NBEAL2: variants seen among roughly 807,000 people sequenced by gnomAD.
NBEAL2 encodes neurobeachin-like protein 2.
NBEAL2 carries 160 observed loss-of-function variants against 299.8 expected under a neutral mutation model. The observed-to-expected ratio is 0.53, with a 90% CI of 0.47 to 0.61. The LOEUF is 0.61. Among genes scored for constraint, NBEAL2 ranks in the 20% least tolerant of loss-of-function variants. The pLI is 0.00. For synonymous variants in NBEAL2, 1,493 were observed against 1,542.3 expected (o/e 0.97, Z 0.75); for missense variants, 3,112 against 3,649.0 (o/e 0.85, Z 3.79).
At position 46,998,833 on chromosome 3, in the gene NBEAL2, C is replaced by T. The variant is rs202071400; in HGVS notation, c.3338C>T (p.Thr1113Met). The change falls in exon 23 of 54, where the codon ACG becomes ATG. Residue 1113 changes from threonine (T) to methionine (M), a missense_variant. By Grantham distance (81) the Thr-to-Met change is moderately conservative. This residue lies in a region of NBEAL2 where 2,243 missense variants were observed against 2,538.1 expected (regional missense o/e 0.88). Coordinates refer to ENST00000450053, the MANE Select transcript of NBEAL2 (RefSeq NM_015175.3). ...CTCTCAGCAGATGACGTGCAGGTCA[C>T]GCAGACCATGCTGAGCTTTTTGGCG... ...RSLSADDVQV[T>M]QTMLSFLAAT... 1.3e-3 allele frequency: 2,119 copies of T among 1,577,136 alleles called. 9 individuals carry two copies. The Middle Eastern group carries it at 0.027, about 20-fold the overall frequency.
chr3:46,997,479 G>T (rs763461711), intron 19 of NBEAL2, 46 bp downstream of exon 19: 1 of 1,594,802 alleles, frequency 6.3e-7, no homozygotes, highest in East Asian at 2.3e-5. Flanking sequence ...ATCTTGGCAT[G>T]GTAGGGGGGT....
chr3:47,002,945 G>A lies in NBEAL2; in HGVS notation c.5460-12G>A. The A allele has an allele frequency of 6.2e-7, 1 of 1,612,336 alleles. No homozygotes were observed. Among genetic ancestry groups the A allele is most frequent in the Non-Finnish European group, 8.5e-7 (1 of 1,179,494 alleles). ...CCTTCTACCGACCCATGACCTGGGG[G>A]ACATTCTGCAGGGACACTCCCATCC... is the stretch of plus-strand genomic sequence containing the variant. On this transcript the variant is annotated splice_polypyrimidine_tract_variant and intron_variant, in intron 33 of 53. Coordinates refer to ENST00000450053, the MANE Select transcript of NBEAL2 (RefSeq NM_015175.3).
At chr3:46,994,089 A>G in intron 11 of NBEAL2, 69 bp downstream of exon 11, 1 of 1,471,508 alleles carries the variant, frequency 6.8e-7, no homozygotes, top group East Asian at 2.5e-5. Flanking sequence ...TCCCCAGAAC[A>G]GGCCTGGCCG....
intron 24 of NBEAL2, 88 bp downstream of exon 24, chr3:46,999,205 C>T (rs4683276): frequency 0.029 from 43,798 of 1,531,134 alleles, 1,863 homozygotes; most frequent in Admixed American, 0.18. Flanking sequence ...CTTGGGCCAG[C>T]GGATGAAGCT....
chr3:47,009,697 T>C lies in NBEAL2; in HGVS notation c.*377T>C. 4.0e-6 allele frequency: 1 copy of C among 253,112 alleles called. No homozygotes were observed. Among genetic ancestry groups the C allele is most frequent in the Non-Finnish European group, 7.7e-6 (1 of 130,114 alleles). 15.7% of individuals were successfully genotyped at this position (253,112 alleles called of 1,614,324 possible). ...TCTCGGCAATAAACCAGGCCTAGTT[T>C]TGTAGCTGCTCCGTCTCCGAGTGTG... On this transcript the variant is annotated 3_prime_UTR_variant, in exon 54 of 54. Transcript: ENST00000450053.
chr3:46,989,837 C>T lies in NBEAL2; in HGVS notation c.556+244C>T, dbSNP rs2035960208. Among the ~76,000 whole-genome samples, 1 of 152,136 alleles carries T rather than the reference C, an allele frequency of 6.6e-6. No individual in the cohort carries two copies. The highest frequency in any genetic ancestry group is 1.5e-5 in the Non-Finnish European group (1 of 68,014). The stretch of plus-strand genomic sequence containing the variant: ...CTACCCAGATTTCTCATCCTCTTTC[C>T]CCGCCATCTCCTGGATCCTTCTAGC... On this transcript the variant is annotated intron_variant, in intron 6 of 53. Transcript: ENST00000450053. The surrounding 1 kb of genome is among the most constrained non-coding windows in gnomAD (Gnocchi z 5.5).
rs766586732 is a variant in NBEAL2, at chr3:46,998,493, G to A, written c.3149G>A (p.Arg1050Gln). ...ATCCAGTACATGTCCAGCATAGTTC[G>A]GGAGCACAGACAGAAGCTGCGGAAG... ...GHIQYMSSIV[R>Q]EHRQKLRKKY... Residue 1050 changes from arginine (R) to glutamine (Q), a missense_variant, in exon 22 of 54, where the codon CGG becomes CAG. Around this residue, in one of 3 missense-constraint regions of NBEAL2, gnomAD observed 2,243 missense variants for 2,538.1 expected, o/e 0.88. Coordinates refer to ENST00000450053, the MANE Select transcript of NBEAL2 (RefSeq NM_015175.3). 9 of 1,613,324 alleles carry A rather than the reference G, an allele frequency of 5.6e-6. No individual in the cohort carries two copies. Among genetic ancestry groups the A allele is most frequent in the Non-Finnish European group, 7.6e-6 (9 of 1,179,730 alleles).
rs763907614 is a variant in NBEAL2 at position 46,988,640 on chromosome 3, C to T, written c.52-29C>T. On this transcript the variant is annotated intron_variant, in intron 1 of 53. Coordinates refer to ENST00000450053, the MANE Select transcript of NBEAL2 (RefSeq NM_015175.3). The surrounding 1 kb of genome is among the most constrained non-coding windows in gnomAD (Gnocchi z 4.4). ...CTGTTTACTGCATCCCTCCTGCCCC[C>T]CACCACTGTTCCCCTGTTCTGCCTA... The T allele has an allele frequency of 6.3e-7, 1 of 1,598,728 alleles. No individual in the cohort carries two copies. The highest frequency in any genetic ancestry group is 1.3e-5 in the African/African-American group (1 of 74,678).
At chr3:46,992,625 G>C in intron 10 of NBEAL2, 70 bp downstream of exon 10, 1 of 1,415,084 alleles carries the variant, frequency 7.1e-7, no homozygotes, top group East Asian at 2.5e-5. Context: ...CTGCACTATA[G>C]CTGGGGAAAT....
chr3:46,987,818 A>G (rs1056117080), intron 1 of NBEAL2, among the ~76,000 whole-genome samples: 3 of 152,120 alleles, frequency 2.0e-5, no homozygotes, highest in Non-Finnish European at 4.4e-5. Flanking sequence ...CCTCTGTAAC[A>G]GGTCCCACCC....
At chr3:46,997,933 C>T (rs1179248092) in intron 20 of NBEAL2, 134 bp from the exon 21 acceptor site, 2 of 1,274,048 alleles carry the variant, frequency 1.6e-6, no homozygotes, top group Admixed American at 5.5e-5. Flanking sequence ...GCAGGAAGCC[C>T]CCAAAGGGTT....
chr3:46,996,882 C>T (rs781086900), intron 17 of NBEAL2, 49 bp downstream of exon 17: 26 of 1,608,038 alleles, frequency 1.6e-5, no homozygotes, highest in South Asian at 9.9e-5. Context: ...GCTACTTCCC[C>T]GGCTCCCACA....
intron 1 of NBEAL2, chr3:46,987,997 A>G (rs1004207708): frequency 4.9e-5 from 62 of 1,276,006 alleles, no homozygotes; most frequent in Non-Finnish European, 6.2e-5. Flanking sequence ...TTCACACCAA[A>G]GTTTTCCTGG....
At chr3:46,980,256 C>T (rs1377091685) in intron 1 of NBEAL2, among the ~76,000 whole-genome samples, 2 of 152,146 alleles carry the variant, frequency 1.3e-5, no homozygotes, top group African/African-American at 4.8e-5. Context: ...GAAACTGAGA[C>T]CTGGAGAGAC....
rs1278708574 is a variant in NBEAL2, at chr3:46,979,703, C to T, written c.-159C>T. The T allele has an allele frequency of 1.6e-5, 5 of 309,538 alleles. No individual in the cohort carries two copies. The highest frequency in any genetic ancestry group is 2.4e-5 in the Non-Finnish European group (4 of 168,446). 19.2% of individuals were successfully genotyped at this position (309,538 alleles called of 1,614,324 possible). A position where few individuals can be genotyped will look rare whatever the true frequency, so the allele number is the denominator to read the frequency against. On this transcript the variant is annotated 5_prime_UTR_variant, in exon 1 of 54. Transcript: ENST00000450053. ...GAGCGAGCAGACTTGGGTGGCTCTGCGCCGCGGAGGCCACAGCCGCAGACT... is the reference window on the plus strand; with the variant it reads ...GAGCGAGCAGACTTGGGTGGCTCTGTGCCGCGGAGGCCACAGCCGCAGACT...
chr3:46,998,083 T>C lies in NBEAL2; in HGVS notation c.2975T>C (p.Met992Thr). The C allele has an allele frequency of 1.3e-6, 2 of 1,573,484 alleles. No individual in the cohort carries two copies. The highest frequency in any genetic ancestry group is 1.7e-6 in the Non-Finnish European group (2 of 1,159,178). Residue 992 changes from methionine to threonine, a missense_variant, in exon 21 of 54, where the codon ATG (methionine) becomes ACG (threonine). Coordinates refer to ENST00000450053, the MANE Select transcript of NBEAL2 (RefSeq NM_015175.3). ...ALLRKVPSWA[M>T]DMNVLMSAQL... ...TTATCCCAGGTCCCAAGCTGGGCCA[T>C]GGACATGAACGTGCTCATGTCCGCC...
chr3:46,992,572 G>A lies in NBEAL2; in HGVS notation c.1113+17G>A. Reference sequence around the variant, plus strand: ...GTCCAAAAGGTACCATCCTGGGGCTGACCAGCTCAGACACCCCCTGGGACT... The same window carrying A: ...GTCCAAAAGGTACCATCCTGGGGCTAACCAGCTCAGACACCCCCTGGGACT... On this transcript the variant is annotated intron_variant, in intron 10 of 53. Transcript: ENST00000450053. The A allele has an allele frequency of 6.3e-7, 1 of 1,575,682 alleles. No homozygotes were observed. Among genetic ancestry groups the A allele is most frequent in the Non-Finnish European group, 8.6e-7 (1 of 1,159,490 alleles).
chr3:47,005,534 G>C lies in NBEAL2; in HGVS notation c.6606G>C (p.Trp2202Cys). 6.2e-7 allele frequency: 1 copy of C among 1,611,098 alleles called. No homozygotes were observed. The highest frequency in any genetic ancestry group is 2.2e-5 in the East Asian group (1 of 44,802). Residue 2202 changes from tryptophan (W) to cysteine (C), a missense_variant, in exon 41 of 54, where the codon TGG (tryptophan) becomes TGC (cysteine). Physicochemically the swap from Trp to Cys is radical, Grantham distance 215 (BLOSUM62 -2). Transcript: ENST00000450053. ...AGTTCCACTCGGTGGCGGCAGCCTGGCAGGCACGCCTGGAGAGCCCTGCCG... is the reference window on the plus strand; with the variant it reads ...AGTTCCACTCGGTGGCGGCAGCCTGCCAGGCACGCCTGGAGAGCCCTGCCG... ...DRQFHSVAAA[W>C]QARLESPADV...
At position 47,000,803 on chromosome 3, in the gene NBEAL2, G is replaced by A; in HGVS notation, c.4306-198G>A. The A allele has an allele frequency of 1.3e-6, 1 of 787,564 alleles. No individual in the cohort carries two copies. Among genetic ancestry groups the A allele is most frequent in the Non-Finnish European group, 2.0e-6 (1 of 505,180 alleles). 48.8% of individuals were successfully genotyped at this position (787,564 alleles called of 1,614,324 possible). On this transcript the variant is annotated intron_variant, in intron 27 of 53. Coordinates refer to ENST00000450053, the MANE Select transcript of NBEAL2 (RefSeq NM_015175.3). The surrounding 1 kb of genome is among the most constrained non-coding windows in gnomAD (Gnocchi z 4.5). The stretch of plus-strand genomic sequence containing the variant: ...GAGTCTGGCAAGACCCCAGGATTCT[G>A]CCTGGAACTCAGGTAGTAGTTGAGA...
Sources: gnomAD v4.1 joint callset for allele counts (sites outside exome capture counted in the v4.1 genomes callset) on GRCh38, gnomAD v4.1.1 for gene constraint, gnomAD v4.1.1 regional missense constraint, Gnocchi (gnomAD v3.1) non-coding constraint, MANE v1.5 for transcripts, NCBI Gene and HGNC (gene_info 2026-07-23, HGNC 2026-07-21) for gene names.